MROH9: variants seen among roughly 807,000 people sequenced by gnomAD.
The protein encoded by MROH9 is maestro heat like repeat family member 9.
MROH9 carries 92 observed loss-of-function variants against 98.2 expected under a neutral mutation model. The observed-to-expected ratio is 0.94, with a 90% CI of 0.79 to 1.11. The LOEUF is 1.11. Ranked by LOEUF, MROH9 falls within the 50% of genes most tolerant of loss-of-function variation. MROH9 has a pLI of 0.00. For synonymous variants in MROH9, 397 were observed against 368.9 expected (o/e 1.08, Z -0.87); for missense variants, 1,057 against 1,014.8 (o/e 1.04, Z -0.57).
At chr1:171,041,651 T>C (rs1229617828) in intron 20 of MROH9, among the ~76,000 whole-genome samples, 1 of 151,974 alleles carries the variant, frequency 6.6e-6, no homozygotes, top group African/African-American at 2.4e-5. Flanking sequence ...CAACATAATG[T>C]TTTCCATAGA....
At chr1:170,963,637 G>C (rs1175867600) in intron 6 of MROH9, among the ~76,000 whole-genome samples, 2 of 152,016 alleles carry the variant, frequency 1.3e-5, no homozygotes, top group East Asian at 3.8e-4. Context: ...ATACACCATG[G>C]GATACTATGC....
chr1:171,006,674 C>CTT (rs60676361), intron 15 of MROH9, among the ~76,000 whole-genome samples: 2,773 of 138,186 alleles, frequency 0.02, 46 homozygotes, highest in African/African-American at 0.039. Flanking sequence ...ATATCTTTTT[C>CTT]TTTTTTTTTT....
intron 8 of MROH9, among the ~76,000 whole-genome samples, chr1:170,972,447 T>A (rs1342301987): frequency 1.3e-5 from 2 of 152,216 alleles, no homozygotes; most frequent in Non-Finnish European, 2.9e-5. Flanking sequence ...CCTCTGTTTC[T>A]GTCCAGGATG....
At chr1:171,056,652 C>A (rs1415571197) in intron 20 of MROH9, among the ~76,000 whole-genome samples, 2 of 152,204 alleles carry the variant, frequency 1.3e-5, no homozygotes, top group Non-Finnish European at 2.9e-5. Context: ...TAAATGGGTC[C>A]TGTTCCCCAT....
At chr1:170,958,424 T>G in intron 3 of MROH9, 37 bp from the exon 4 acceptor site, 1 of 1,267,454 alleles carries the variant, frequency 7.9e-7, no homozygotes, top group Non-Finnish European at 1.1e-6. Flanking sequence ...TAATCATTAA[T>G]TCTTCTTTTT....
intron 20 of MROH9, among the ~76,000 whole-genome samples, chr1:171,060,463 T>G (rs573801629): frequency 6.6e-6 from 1 of 152,270 alleles, no homozygotes; most frequent in Admixed American, 6.5e-5. Flanking sequence ...TATTAAAACT[T>G]AAGTGTTCAA....
intron 8 of MROH9, among the ~76,000 whole-genome samples, chr1:170,978,981 A>C (rs1425572007): frequency 6.6e-6 from 1 of 152,166 alleles, no homozygotes; most frequent in Non-Finnish European, 1.5e-5. Context: ...CTGGTGAGGG[A>C]TTGCTGGAGA....
Position 170,998,462 on chromosome 1 carries a change from C to G in MROH9, c.1596+188C>G, listed in dbSNP as rs373359658. ...TAGATCTGGGTTATGGAAGAGTTGT[C>G]CCTTCAGCTTTCCCCAGCAGTTGGT... On this transcript the variant is annotated intron_variant, in intron 15 of 21. Transcript: ENST00000367759. 6 of 1,537,552 alleles carry G rather than the reference C, an allele frequency of 3.9e-6. No individual in the cohort carries two copies. In the African/African-American group the frequency reaches 6.9e-5, roughly 18 times the overall value.
chr1:170,941,180 A>G (rs1478713590), intron 1 of MROH9, among the ~76,000 whole-genome samples: 1 of 151,730 alleles, frequency 6.6e-6, no homozygotes, highest in Non-Finnish European at 1.5e-5. Context: ...ATTTTCTAGT[A>G]CTCCCCAGAA....
chr1:170,936,539 A>AC (rs1308752310), intron 1 of MROH9, among the ~76,000 whole-genome samples: 2 of 152,044 alleles, frequency 1.3e-5, no homozygotes, highest in Non-Finnish European at 2.9e-5. Context: ...TCACAGACAT[A>AC]CCCCAAAATA....
chr1:170,957,574 A>G (rs1372210703), intron 3 of MROH9, among the ~76,000 whole-genome samples: 2 of 152,072 alleles, frequency 1.3e-5, no homozygotes, highest in Non-Finnish European at 2.9e-5. Context: ...TTACTTTTGT[A>G]TTATAGCTTG....
chr1:171,020,362 CA>C (rs533614031), intron 17 of MROH9, among the ~76,000 whole-genome samples: 83 of 152,248 alleles, frequency 5.5e-4, no homozygotes, highest in African/African-American at 1.9e-3. Flanking sequence ...CGAAAATCCT[CA>C]ACAAAATACT....
chr1:170,982,296 A>G (rs575393257), intron 8 of MROH9, among the ~76,000 whole-genome samples: 1 of 152,206 alleles, frequency 6.6e-6, no homozygotes, highest in Non-Finnish European at 1.5e-5. Context: ...ATGTACGAAA[A>G]CATGGATGAA....
intron 20 of MROH9, among the ~76,000 whole-genome samples, chr1:171,046,488 T>G (rs1316703695): frequency 6.6e-6 from 1 of 152,214 alleles, no homozygotes; most frequent in Admixed American, 6.5e-5. Flanking sequence ...ACCACGGGAC[T>G]TGCAAATACA....
At chr1:171,044,330 A>T (rs1007608156) in intron 20 of MROH9, among the ~76,000 whole-genome samples, 10 of 152,148 alleles carry the variant, frequency 6.6e-5, no homozygotes, top group African/African-American at 2.4e-4. Context: ...ATCATGATGG[A>T]TGATCTTTCT....
In MROH9 at chr1:170,971,875, G is replaced by A. The variant is rs773845863; in HGVS notation, c.608G>A (p.Cys203Tyr). ...TGTCACCTCCTCTACATTGCACGGT[G>A]TCAGAACGGTAAGAACAGTTCACCA... ...GMCHLLYIARCQNDIGTNKPT... is the reference protein window; with the variant it reads ...GMCHLLYIARYQNDIGTNKPT... Residue 203 changes from cysteine (C) to tyrosine (Y), a missense_variant, in exon 8 of 22, where the codon TGT (cysteine) becomes TAT (tyrosine). Transcript: ENST00000367759. 6.2e-6 allele frequency: 10 copies of A among 1,613,820 alleles called. No homozygotes were observed. In the East Asian group the frequency reaches 1.6e-4, roughly 25 times the overall value.
chr1:171,029,936 TG>T (rs1652852645), intron 20 of MROH9, among the ~76,000 whole-genome samples: 1 of 152,244 alleles, frequency 6.6e-6, no homozygotes, highest in African/African-American at 2.4e-5. Flanking sequence ...GGGCTTTTTT[TG>T]GTTGGTAGGC....
intron 2 of MROH9, 54 bp from the exon 3 acceptor site, chr1:170,947,473 A>G: frequency 1.3e-6 from 2 of 1,490,886 alleles, no homozygotes; most frequent in South Asian, 1.2e-5. Context: ...CCCCACTAAG[A>G]TGATAGGAGT....
intron 14 of MROH9, among the ~76,000 whole-genome samples, chr1:170,997,798 A>G (rs1223283595): frequency 6.6e-6 from 1 of 152,174 alleles, no homozygotes; most frequent in African/African-American, 2.4e-5. Flanking sequence ...GTCCAAAACC[A>G]CAAAGATGAC....
Sources: gnomAD v4.1 joint callset for allele counts (sites outside exome capture counted in the v4.1 genomes callset) on GRCh38, gnomAD v4.1.1 for gene constraint, MANE v1.5 for transcripts, NCBI Gene and HGNC (gene_info 2026-07-23, HGNC 2026-07-21) for gene names.